The following LINGO1 variants were observed in gnomAD, a reference collection of about 807,000 sequenced individuals.
LINGO1 encodes leucine-rich repeat and immunoglobulin-like domain-containing nogo receptor-interacting protein 1.
In LINGO1, 11 loss-of-function variants were observed where a neutral mutation model predicts 37.3. The ratio of observed to expected loss-of-function variants is 0.29; its 90% CI spans 0.19 to 0.49. The LOEUF (loss-of-function observed/expected upper bound fraction) is 0.49, where lower values mean the gene tolerates loss of function less well. Among genes scored for constraint, LINGO1 ranks in the 20% least tolerant of loss-of-function variants. The probability of loss-of-function intolerance (pLI) is 0.99; values close to 1 mark genes in which losing one functional copy is unlikely to be tolerated. For synonymous variants in LINGO1, 387 were observed against 403.0 expected, an observed-to-expected ratio of 0.96 and a Z score of 0.48; for missense variants, 585 against 878.2, an observed-to-expected ratio of 0.67 and a Z score of 4.22.
rs574300478 is a variant in LINGO1, at chr15:77,627,006, T to A, written c.6+5304A>T. ...TGCACTGGGCTAGGCAGAAGAAGCG[T>A]GCTGGCCAGGCCCCCACCCCCTCCC... On this transcript the variant is annotated intron_variant, in intron 1 of 1. Transcript: ENST00000355300. Among the ~76,000 whole-genome samples the A allele has an allele frequency of 2.5e-5, 3 of 121,654 alleles. No individual in the cohort carries two copies. The Admixed American group carries it at 3.1e-4, about 12-fold the overall frequency. 79.8% of individuals were successfully genotyped at this position (121,654 alleles called of 152,430 possible).
At chr15:77,760,914 A>C (rs1333098141) in intron 1 of LINGO1, among the ~76,000 whole-genome samples, 1 of 105,678 alleles carries the variant, frequency 9.5e-6, no homozygotes, top group African/African-American at 4.3e-5. Context: ...GTTAATAAGT[A>C]TCTTTTTTTT....
intron 1 of LINGO1, among the ~76,000 whole-genome samples, chr15:77,785,577 G>T (rs2076763327): frequency 6.6e-6 from 1 of 152,002 alleles, no homozygotes. Flanking sequence ...CCTCTACCCC[G>T]ACCAGGGCTC....
At chr15:77,682,313 T>TGTG (rs755151935) in intron 2 of LINGO1, among the ~76,000 whole-genome samples, 2 of 146,178 alleles carry the variant, frequency 1.4e-5, no homozygotes, top group African/African-American at 5.2e-5. Flanking sequence ...TGTGTGTGTG[T>TGTG]AGTGTCTCGT....
At chr15:77,746,060 T>G (rs1795858433) in intron 1 of LINGO1, among the ~76,000 whole-genome samples, 1 of 151,050 alleles carries the variant, frequency 6.6e-6, no homozygotes, top group South Asian at 2.1e-4. Flanking sequence ...AAAAAAAAAT[T>G]ATATGGGCAT....
At chr15:77,635,133 TCGGAGGCAGCAGGGATGACCA>T (rs1319592392), upstream of LINGO1, among the ~76,000 whole-genome samples, 1 of 152,088 alleles carries the variant, frequency 6.6e-6, no homozygotes, top group Non-Finnish European at 1.5e-5. Flanking sequence ...CCTCCGCGCC[TCGGAGGCAGCAGGGATGACCA>T]CGGAGCTGTG....
chr15:77,754,291 G>T (rs1398645081), intron 1 of LINGO1, among the ~76,000 whole-genome samples: 1 of 150,760 alleles, frequency 6.6e-6, no homozygotes, highest in African/African-American at 2.4e-5. Context: ...GGGAAGGGAG[G>T]GAGGGGAGAA....
intron 3 of LINGO1, chr15:77,648,270 C>T (rs2074681258): frequency 5.0e-6 from 1 of 200,244 alleles, no homozygotes. Context: ...TGCGGTGAAC[C>T]TGTGAGGCAG....
intron 1 of LINGO1, among the ~76,000 whole-genome samples, chr15:77,762,481 T>A (rs2076487354): frequency 6.6e-6 from 1 of 151,842 alleles, no homozygotes; most frequent in South Asian, 2.1e-4. Flanking sequence ...TAAGATGGAG[T>A]GAGGCCCTAA....
At chr15:77,794,590 A>ATATTTTTT (rs1381588807) in intron 2 of LINGO1, among the ~76,000 whole-genome samples, 1 of 93,526 alleles carries the variant, frequency 1.1e-5, no homozygotes, top group African/African-American at 4.1e-5. Context: ...ATATATATAT[A>ATATTTTTT]TTTTTTTTTT....
intron 1 of LINGO1, among the ~76,000 whole-genome samples, chr15:77,617,335 T>A (rs1402278734): frequency 1.3e-5 from 2 of 151,934 alleles, no homozygotes; most frequent in Non-Finnish European, 2.9e-5. Context: ...GTAGGGGGGT[T>A]GGGGGAGGGT....
At chr15:77,770,909 C>T (rs919999056) in intron 1 of LINGO1, among the ~76,000 whole-genome samples, 17 of 152,236 alleles carry the variant, frequency 1.1e-4, no homozygotes, top group Non-Finnish European at 1.8e-4. Flanking sequence ...GAAGTGGGCG[C>T]GGAAGCAGTG....
In LINGO1 at chr15:77,728,637, C is replaced by T. The variant is rs577426272; in HGVS notation, c.-195+6355G>A. ...AGGCAGGCCTCCTTGTCTCTGGGCC[C>T]GTTTCCATGTCTGCAATGTGGGCAT... is the stretch of plus-strand genomic sequence containing the variant. On this transcript the variant is annotated intron_variant, in intron 2 of 3. Transcript: ENST00000561686. Among the ~76,000 whole-genome samples, 10 of 152,352 alleles carry T rather than the reference C, an allele frequency of 6.6e-5. No individual in the cohort carries two copies. The South Asian group carries it at 1.4e-3, about 22-fold the overall frequency.
chr15:77,682,856 G>A (rs552366445), intron 2 of LINGO1, among the ~76,000 whole-genome samples: 7 of 152,104 alleles, frequency 4.6e-5, no homozygotes, highest in Non-Finnish European at 8.8e-5. Flanking sequence ...GCGAAACTCC[G>A]AAGCCCTGAG....
At chr15:77,675,390 A>C (rs1343608481) in intron 3 of LINGO1, among the ~76,000 whole-genome samples, 1 of 152,244 alleles carries the variant, frequency 6.6e-6, no homozygotes, top group Non-Finnish European at 1.5e-5. Flanking sequence ...AATGGCTGCC[A>C]ACAGGATTAA....
intron 1 of LINGO1, among the ~76,000 whole-genome samples, chr15:77,766,965 T>A (rs988279621): frequency 3.3e-5 from 5 of 151,838 alleles, no homozygotes; most frequent in Admixed American, 6.6e-5. Context: ...TAAAAAAGTG[T>A]AAAGGAGGGA....
Position 77,632,292 on chromosome 15 carries a change from C to T in LINGO1, c.6+18G>A. On this transcript the variant is annotated intron_variant, in intron 1 of 1. Coordinates refer to ENST00000355300, the MANE Select transcript of LINGO1 (RefSeq NM_032808.7). The surrounding 1 kb of genome is among the most constrained non-coding windows in gnomAD (Gnocchi z 6.0). ...CGGGGCTGCCCGCTCGGGGCTCGGC[C>T]GCGGCCGCCTGGCTCACCTGCATCT... 2 of 1,425,376 alleles carry T rather than the reference C, an allele frequency of 1.4e-6. No individual in the cohort carries two copies. Among genetic ancestry groups the T allele is most frequent in the East Asian group, 3.0e-5 (1 of 32,942 alleles). The allele number at this position is 1,425,376 out of a possible 1,614,324, so 88.3% of individuals were successfully genotyped here.
intron 1 of LINGO1, chr15:77,819,566 CCACACTCGCG>C (rs1353433067): frequency 9.2e-6 from 1 of 108,668 alleles, no homozygotes; most frequent in Non-Finnish European, 2.4e-5. Context: ...TGCCCGGCGC[CCACACTCGCG>C]CACACACGCG....
At chr15:77,809,343 C>T (rs1267201704) in intron 1 of LINGO1, among the ~76,000 whole-genome samples, 1 of 152,238 alleles carries the variant, frequency 6.6e-6, no homozygotes, top group Non-Finnish European at 1.5e-5. Context: ...CCGGGGAAGC[C>T]AGGCAGTCCT....
upstream of LINGO1, among the ~76,000 whole-genome samples, chr15:77,637,019 ACCC>A (rs1225240309): frequency 6.6e-6 from 1 of 151,822 alleles, no homozygotes; most frequent in South Asian, 2.1e-4. This position sits in a 1 kb window ranked among gnomAD's most constrained non-coding sequence, Gnocchi z 4.6. Context: ...CCCCCTCCTG[ACCC>A]CCTCCTCAAG....
Sources: gnomAD v4.1 joint callset for allele counts (sites outside exome capture counted in the v4.1 genomes callset) on GRCh38, gnomAD v4.1.1 for gene constraint, Gnocchi (gnomAD v3.1) non-coding constraint, MANE v1.5 for transcripts, NCBI Gene and HGNC (gene_info 2026-07-23, HGNC 2026-07-21) for gene names.